The following DNM3 variants were observed in gnomAD, a reference collection of about 807,000 sequenced individuals.
DNM3 encodes dynamin 3, also known as dynamin-3.
In DNM3, 47 loss-of-function variants were observed where a neutral mutation model predicts 101.6. The observed-to-expected ratio is 0.46, with a 90% CI of 0.37 to 0.59. DNM3 has a LOEUF of 0.59. Among genes scored for constraint, DNM3 ranks in the 20% least tolerant of loss-of-function variants. The pLI is 0.00. For missense variants in DNM3, 849 were observed against 1,085.7 expected (o/e 0.78, Z 3.06); for synonymous variants, 385 against 387.9 (o/e 0.99, Z 0.09).
chr1:171,945,598 A>T (rs2042122954), intron 2 of DNM3, among the ~76,000 whole-genome samples: 1 of 152,220 alleles, frequency 6.6e-6, no homozygotes, highest in Admixed American at 6.5e-5. Context: ...TTGACCGTAG[A>T]AGCAGAGGAT....
chr1:172,182,989 CA>C (rs918523694), intron 14 of DNM3, among the ~76,000 whole-genome samples: 10 of 151,780 alleles, frequency 6.6e-5, no homozygotes, highest in African/African-American at 1.2e-4. Flanking sequence ...TAGTTTCTAT[CA>C]AAAAAAATTT....
intron 14 of DNM3, among the ~76,000 whole-genome samples, chr1:172,234,376 C>T (rs10911351): frequency 0.17 from 25,317 of 151,812 alleles, 2,496 homozygotes; most frequent in East Asian, 0.28. Flanking sequence ...CACTGCTCAA[C>T]GAAATAAAAG....
At chr1:172,229,531 A>G (rs1213030917) in intron 14 of DNM3, among the ~76,000 whole-genome samples, 1 of 151,942 alleles carries the variant, frequency 6.6e-6, no homozygotes, top group African/African-American at 2.4e-5. Context: ...TCTTTTTCCC[A>G]CTCTACATAT....
intron 13 of DNM3, among the ~76,000 whole-genome samples, chr1:172,121,340 T>G (rs935027147): frequency 1.3e-5 from 2 of 152,204 alleles, no homozygotes; most frequent in Admixed American, 1.3e-4. Context: ...ACTGTACATG[T>G]GGCAGAAATA....
intron 4 of DNM3, among the ~76,000 whole-genome samples, chr1:171,999,147 G>C (rs2046205827): frequency 6.6e-6 from 1 of 152,058 alleles, no homozygotes; most frequent in African/African-American, 2.4e-5. Flanking sequence ...ATGAATGTAA[G>C]CAAGGAGACC....
chr1:172,387,540 TC>T (rs2069258888), intron 19 of DNM3, among the ~76,000 whole-genome samples, 181 bp downstream of exon 19: 1 of 151,912 alleles, frequency 6.6e-6, no homozygotes, highest in African/African-American at 2.4e-5. Flanking sequence ...GTGCCTGTAG[TC>T]CCAGCTACTC....
At chr1:172,161,590 G>A (rs1170813455) in intron 14 of DNM3, among the ~76,000 whole-genome samples, 1 of 151,808 alleles carries the variant, frequency 6.6e-6, no homozygotes. Flanking sequence ...ATTTGAGAGG[G>A]GTACCACAAA....
At chr1:171,925,588 T>C (rs2040506709) in intron 2 of DNM3, among the ~76,000 whole-genome samples, 1 of 152,194 alleles carries the variant, frequency 6.6e-6, no homozygotes, top group South Asian at 2.1e-4. Context: ...TTAAAGTTCT[T>C]ATAGATTCTG....
intron 1 of DNM3, among the ~76,000 whole-genome samples, chr1:171,868,375 G>T (rs914571159): frequency 6.6e-6 from 1 of 152,062 alleles, no homozygotes; most frequent in Admixed American, 6.6e-5. Context: ...GTCTGCTCAG[G>T]CCAAGAGGCA....
chr1:171,894,980 T>C (rs912222851), intron 1 of DNM3, among the ~76,000 whole-genome samples: 2 of 152,256 alleles, frequency 1.3e-5, no homozygotes, highest in East Asian at 1.9e-4. Context: ...TCGTTTTATA[T>C]GGCTGCATAG....
chr1:172,289,705 T>C (rs2063830722), intron 15 of DNM3: 18 of 984,812 alleles, frequency 1.8e-5, no homozygotes, highest in Non-Finnish European at 2.2e-5. Context: ...ATTTTGTCTC[T>C]GAATAGAGTT....
intron 20 of DNM3, among the ~76,000 whole-genome samples, chr1:172,397,789 A>G (rs537707860): frequency 6.6e-6 from 1 of 151,782 alleles, no homozygotes; most frequent in Non-Finnish European, 1.5e-5. Context: ...CTAACTTAGG[A>G]CCTTTTTGCC....
intron 17 of DNM3, chr1:172,338,884 C>T (rs1214537173): frequency 6.7e-6 from 3 of 444,466 alleles, no homozygotes; most frequent in South Asian, 3.2e-5. Flanking sequence ...ACTTGACACA[C>T]GTAAATAGTA....
chr1:172,394,745 C>T (rs1166543435), intron 20 of DNM3, among the ~76,000 whole-genome samples: 1 of 152,216 alleles, frequency 6.6e-6, no homozygotes, highest in African/African-American at 2.4e-5. Context: ...AGAGAAGCCA[C>T]TGGCCAGTGA....
chr1:172,163,477 A>T (rs1181376542), intron 14 of DNM3, among the ~76,000 whole-genome samples: 3 of 151,944 alleles, frequency 2.0e-5, no homozygotes, highest in African/African-American at 4.8e-5. Flanking sequence ...TGACCTCGTG[A>T]TCTGCCCCCC....
intron 16 of DNM3, among the ~76,000 whole-genome samples, chr1:172,315,421 C>G (rs2065288781): frequency 6.6e-6 from 1 of 152,196 alleles, no homozygotes; most frequent in South Asian, 2.1e-4. Flanking sequence ...AAGAAGGCTG[C>G]AGACGATCAA....
chr1:171,876,137 C>T lies in DNM3; in HGVS notation c.161+34320C>T, dbSNP rs564497621. ...AAGAGTTATCTTTTAAAGATACGTA[C>T]TTACATCTTTATTGATGAAATGATG... On this transcript the variant is annotated intron_variant, in intron 1 of 20. Transcript: ENST00000627582. 1.2e-4 allele frequency among the ~76,000 whole-genome samples: 19 copies of T among 152,180 alleles called. No individual in the cohort carries two copies. In the East Asian group the frequency reaches 3.7e-3, roughly 29 times the overall value.
chr1:172,320,742 G>T (rs1016812477), intron 16 of DNM3, among the ~76,000 whole-genome samples: 1 of 152,136 alleles, frequency 6.6e-6, no homozygotes, highest in Non-Finnish European at 1.5e-5. Context: ...GAGATCTGAT[G>T]CACTCTGGGG....
At chr1:171,964,879 C>T (rs1227416189) in intron 2 of DNM3, among the ~76,000 whole-genome samples, 20 of 149,540 alleles carry the variant, frequency 1.3e-4, no homozygotes, top group Non-Finnish European at 2.1e-4. Context: ...TTTTTTTTTT[C>T]TCCCAACTGA....
Sources: gnomAD v4.1 joint callset for allele counts (sites outside exome capture counted in the v4.1 genomes callset) on GRCh38, gnomAD v4.1.1 for gene constraint, MANE v1.5 for transcripts, NCBI Gene and HGNC (gene_info 2026-07-23, HGNC 2026-07-21) for gene names.